Variants in IFITM10 observed in about 807,000 individuals in gnomAD.
IFITM10 encodes interferon-induced transmembrane protein 10.
In IFITM10, 17 loss-of-function variants were observed where a neutral mutation model predicts 19.0. The observed-to-expected ratio is 0.90, with a 90% CI of 0.61 to 1.34. IFITM10 has a LOEUF of 1.34. Among genes scored for constraint, IFITM10 ranks in the 40% most tolerant of loss-of-function variants. The probability of loss-of-function intolerance (pLI) is 0.00; values close to 1 mark genes in which losing one functional copy is unlikely to be tolerated. For synonymous variants in IFITM10, 148 were observed against 147.2 expected (o/e 1.01, Z -0.04); for missense variants, 306 against 319.8 (o/e 0.96, Z 0.33).
In IFITM10 at chr11:1,732,959, C is replaced by G. The variant is rs901795745; in HGVS notation, c.*2321G>C. On this transcript the variant is annotated 3_prime_UTR_variant, in exon 3 of 3. Transcript: ENST00000340134. ...AAAATAGGCAAAGAAAGCATTTGCC[C>G]CTCTACTTTCTTCCCTCCCAGGCAT... 4 of 152,154 alleles carry G rather than the reference C, an allele frequency of 2.6e-5. No homozygotes were observed. The highest frequency in any genetic ancestry group is 9.7e-5 in the African/African-American group (4 of 41,392). 9.4% of individuals were successfully genotyped at this position (152,154 alleles called of 1,614,324 possible).
chr11:1,736,898 G>A (rs1451667082), intron 2 of IFITM10, among the ~76,000 whole-genome samples: 1 of 151,996 alleles, frequency 6.6e-6, no homozygotes, highest in Non-Finnish European at 1.5e-5. Context: ...GAGGGAACAA[G>A]GGCAAATGGG....
chr11:1,747,912 G>C lies in IFITM10; in HGVS notation c.292C>G (p.Pro98Ala). 1.3e-6 allele frequency: 2 copies of C among 1,497,782 alleles called. No homozygotes were observed. The highest frequency in any genetic ancestry group is 8.9e-7 in the Non-Finnish European group (1 of 1,118,942). 92.8% of individuals were successfully genotyped at this position (1,497,782 alleles called of 1,614,324 possible). Reference sequence around the variant, plus strand: ...ATGGGGAACAGTGTGGGCGCCATCGGGGGAGAGGCCGAGGGCTCAGGGGCA... The same window carrying C: ...ATGGGGAACAGTGTGGGCGCCATCGCGGGAGAGGCCGAGGGCTCAGGGGCA... Reference protein sequence around the residue: ...APAPEPSASPPMAPTLFPMES... With the variant: ...APAPEPSASPAMAPTLFPMES... The change falls in exon 2 of 3, where the codon CCG (proline) becomes GCG (alanine). Residue 98 changes from proline (P) to alanine (A), a missense_variant. By Grantham distance (27) the Pro-to-Ala change is conservative. Transcript: ENST00000340134.
At chr11:1,749,537 C>G (rs929352935) in intron 1 of IFITM10, among the ~76,000 whole-genome samples, 2 of 151,852 alleles carry the variant, frequency 1.3e-5, no homozygotes, top group African/African-American at 4.8e-5. Flanking sequence ...CCCACTCTCC[C>G]CATGGCGCTC....
chr11:1,748,713 G>A (rs1351264757), intron 1 of IFITM10: 1 of 152,290 alleles, frequency 6.6e-6, no homozygotes, highest in Non-Finnish European at 1.5e-5. Context: ...GCTCAGCCAC[G>A]AGCACCAAGA....
chr11:1,740,673 T>C (rs973717787), intron 2 of IFITM10, among the ~76,000 whole-genome samples: 1 of 152,112 alleles, frequency 6.6e-6, no homozygotes, highest in African/African-American at 2.4e-5. Context: ...GAGTCTGGAG[T>C]TCAGAGATGA....
chr11:1,750,284 T>C, intron 1 of IFITM10, 75 bp downstream of exon 1: 1 of 1,549,486 alleles, frequency 6.5e-7, no homozygotes, highest in Non-Finnish European at 8.7e-7. Context: ...TGGAGAAAAC[T>C]CCAGCCTTCC....
intron 2 of IFITM10, chr11:1,745,444 C>T (rs1007714383): frequency 2.6e-5 from 4 of 152,378 alleles, no homozygotes; most frequent in African/African-American, 9.7e-5. Context: ...GAAGCATGAC[C>T]TCCAATTCCA....
At chr11:1,735,497 C>G in intron 2 of IFITM10, 68 bp from the exon 3 acceptor site, 1 of 1,433,052 alleles carries the variant, frequency 7.0e-7, no homozygotes, top group South Asian at 1.3e-5. Flanking sequence ...CATCCAGGAG[C>G]CCAGCAGAGC....
intron 2 of IFITM10, among the ~76,000 whole-genome samples, chr11:1,739,884 C>G (rs1276863229): frequency 6.6e-6 from 1 of 152,122 alleles, no homozygotes; most frequent in Non-Finnish European, 1.5e-5. Flanking sequence ...GGAGGACATA[C>G]GGTCAGAGGA....
rs993052005 is a variant in IFITM10 at position 1,734,328 on chromosome 11, C to T, written c.*952G>A. The stretch of plus-strand genomic sequence containing the variant: ...GCTGGCCTCGGCCTTTGAAAGGCAT[C>T]TTCCGTTCATTTTCACAGTGATTAT... On this transcript the variant is annotated 3_prime_UTR_variant, in exon 3 of 3. Coordinates refer to ENST00000340134, the MANE Select transcript of IFITM10 (RefSeq NM_001170820.4). 9 of 152,286 alleles carry T rather than the reference C, an allele frequency of 5.9e-5. No homozygotes were observed. Among genetic ancestry groups the T allele is most frequent in the African/African-American group, 2.2e-4 (9 of 41,462 alleles). The allele number at this position is 152,286 out of a possible 1,614,324, so 9.4% of individuals were successfully genotyped here.
At chr11:1,746,546 G>T in intron 2 of IFITM10, 1 of 398,620 alleles carries the variant, frequency 2.5e-6, no homozygotes, top group Non-Finnish European at 4.4e-6. Context: ...GAAGGTGCCC[G>T]TGCCAGTGGG....
Position 1,750,513 on chromosome 11 carries a change from C to T in IFITM10, c.-71G>A, listed in dbSNP as rs1468885350. 6.5e-7 allele frequency: 1 copy of T among 1,539,628 alleles called. No individual in the cohort carries two copies. Among genetic ancestry groups the T allele is most frequent in the Admixed American group, 2.0e-5 (1 of 50,670 alleles). ...CACTCTCAACTGGCCTCCTGTGTCT[C>T]CGCAACCCTCTTTCCTGTCTGGAAG... On this transcript the variant is annotated 5_prime_UTR_variant, in exon 1 of 3. Transcript: ENST00000340134.
At chr11:1,749,864 C>T (rs565538706) in intron 1 of IFITM10, among the ~76,000 whole-genome samples, 2 of 152,164 alleles carry the variant, frequency 1.3e-5, no homozygotes, top group Non-Finnish European at 2.9e-5. Flanking sequence ...GCTCCTGCCC[C>T]CTTTCCTGGA....
intron 1 of IFITM10, chr11:1,748,636 G>A (rs573660737): frequency 2.0e-5 from 3 of 152,904 alleles, no homozygotes; most frequent in African/African-American, 7.2e-5. Context: ...TCCAGACCCC[G>A]GGGCGCACCC....
At chr11:1,746,944 G>T in intron 2 of IFITM10, 1 of 397,502 alleles carries the variant, frequency 2.5e-6, no homozygotes, top group Non-Finnish European at 4.4e-6. Context: ...ATTGACACAC[G>T]GCTGCCCCTC....
At chr11:1,748,262 C>A (rs1845675478) in intron 1 of IFITM10, 143 bp from the exon 2 acceptor site, 2 of 607,522 alleles carry the variant, frequency 3.3e-6, no homozygotes, top group Admixed American at 4.1e-5. Flanking sequence ...CCTGCCTCCC[C>A]CACCCGCCCC....
chr11:1,750,132 C>T (rs1164583584), intron 1 of IFITM10, among the ~76,000 whole-genome samples: 4 of 152,128 alleles, frequency 2.6e-5, no homozygotes, highest in East Asian at 1.9e-4. Flanking sequence ...ATACTTTGTT[C>T]CCTGTGAATC....
chr11:1,746,764 G>C (rs1176184968), intron 2 of IFITM10: 2 of 398,710 alleles, frequency 5.0e-6, no homozygotes, highest in Non-Finnish European at 8.8e-6. Flanking sequence ...AGCTGCATTG[G>C]TGGAGTACAT....
At chr11:1,749,007 C>A in intron 1 of IFITM10, 1 of 1,054,140 alleles carries the variant, frequency 9.5e-7, no homozygotes, top group South Asian at 2.3e-5. Flanking sequence ...CGGACGGCGC[C>A]TCCTCACCTA....
Sources: gnomAD v4.1 joint callset for allele counts (sites outside exome capture counted in the v4.1 genomes callset) on GRCh38, gnomAD v4.1.1 for gene constraint, MANE v1.5 for transcripts, NCBI Gene and HGNC (gene_info 2026-07-23, HGNC 2026-07-21) for gene names.